ST18: variants seen among roughly 807,000 people sequenced by gnomAD.
The protein encoded by ST18 is suppression of tumorigenicity 18 protein.
ST18 carries 50 observed loss-of-function variants against 110.0 expected under a neutral mutation model. That is an observed-to-expected ratio of 0.45 (90% CI 0.36 to 0.58). The LOEUF (loss-of-function observed/expected upper bound fraction) is 0.58, where lower values mean the gene tolerates loss of function less well. Ranked by LOEUF, ST18 falls within the 20% of genes least tolerant of loss-of-function variation. The probability of loss-of-function intolerance (pLI) is 0.00; values close to 1 mark genes in which losing one functional copy is unlikely to be tolerated. For synonymous variants in ST18, 461 were observed against 452.4 expected (o/e 1.02, Z -0.24); for missense variants, 1,306 against 1,280.1 (o/e 1.02, Z -0.31).
At chr8:52,226,514 C>T (rs1377158511) in intron 3 of ST18, among the ~76,000 whole-genome samples, 1 of 152,114 alleles carries the variant, frequency 6.6e-6, no homozygotes, top group Non-Finnish European at 1.5e-5. Flanking sequence ...ATTAAGTTTC[C>T]TCTTTTAAAA....
intron 2 of ST18, among the ~76,000 whole-genome samples, chr8:52,360,212 AC>A (rs1457590698): frequency 6.6e-6 from 1 of 152,124 alleles, no homozygotes; most frequent in African/African-American, 2.4e-5. Flanking sequence ...ACTCATACCT[AC>A]ATAGATCAGG....
At chr8:52,285,800 G>A (rs2095462571) in intron 2 of ST18, among the ~76,000 whole-genome samples, 1 of 152,208 alleles carries the variant, frequency 6.6e-6, no homozygotes, top group Non-Finnish European at 1.5e-5. Flanking sequence ...CCCAGGAGAA[G>A]CATGTCTCCT....
chr8:52,296,300 T>C (rs928678360), intron 2 of ST18: 14 of 152,234 alleles, frequency 9.2e-5, no homozygotes, highest in African/African-American at 3.4e-4. Flanking sequence ...GTCTGGCTGA[T>C]TTCCACAAAT....
intron 2 of ST18, among the ~76,000 whole-genome samples, chr8:52,253,206 C>T (rs1364463407): frequency 6.6e-6 from 1 of 151,902 alleles, no homozygotes; most frequent in Non-Finnish European, 1.5e-5. Flanking sequence ...GAAAAACACT[C>T]CAGTTATTTC....
At chr8:52,374,284 G>A (rs1396965382) in intron 2 of ST18, among the ~76,000 whole-genome samples, 1 of 152,078 alleles carries the variant, frequency 6.6e-6, no homozygotes, top group Non-Finnish European at 1.5e-5. Flanking sequence ...AGACATAAAG[G>A]AGGCACATGA....
intron 16 of ST18, among the ~76,000 whole-genome samples, chr8:52,146,506 C>T (rs1357423127): frequency 1.3e-5 from 2 of 151,502 alleles, no homozygotes; most frequent in African/African-American, 4.9e-5. Context: ...AATTCCAGGC[C>T]TATTACTTAA....
At chr8:52,186,900 G>A (rs2072514801) in intron 8 of ST18, among the ~76,000 whole-genome samples, 2 of 152,268 alleles carry the variant, frequency 1.3e-5, no homozygotes, top group Middle Eastern at 3.4e-3. Flanking sequence ...AGGTATGAAG[G>A]AAATGGCTGG....
intron 2 of ST18, among the ~76,000 whole-genome samples, chr8:52,267,508 A>C (rs972525692): frequency 2.1e-5 from 3 of 143,390 alleles, no homozygotes; most frequent in African/African-American, 7.6e-5. Flanking sequence ...AAAAAAACCC[A>C]AAACCCTCTA....
At chr8:52,256,270 G>T (rs1383909005) in intron 2 of ST18, among the ~76,000 whole-genome samples, 1 of 152,226 alleles carries the variant, frequency 6.6e-6, no homozygotes, top group African/African-American at 2.4e-5. Flanking sequence ...GCATTGTGAA[G>T]AATATAATTG....
At chr8:52,243,815 A>T (rs2093633144) in intron 2 of ST18, among the ~76,000 whole-genome samples, 1 of 152,104 alleles carries the variant, frequency 6.6e-6, no homozygotes. Flanking sequence ...CCAAACCCTG[A>T]CATATTTCTT....
At chr8:52,283,891 A>G (rs1175881664) in intron 2 of ST18, among the ~76,000 whole-genome samples, 1 of 152,216 alleles carries the variant, frequency 6.6e-6, no homozygotes, top group Non-Finnish European at 1.5e-5. Flanking sequence ...TAAGAAGACA[A>G]GAAAATATAT....
chr8:52,230,436 G>T (rs1326286937), intron 2 of ST18, among the ~76,000 whole-genome samples: 1 of 151,978 alleles, frequency 6.6e-6, no homozygotes, highest in Non-Finnish European at 1.5e-5. Context: ...AGAATCAGTG[G>T]TTTAACACTA....
At chr8:52,133,929 C>T (rs1250776424) in intron 19 of ST18, among the ~76,000 whole-genome samples, 2 of 152,042 alleles carry the variant, frequency 1.3e-5, no homozygotes, top group African/African-American at 2.4e-5. Flanking sequence ...CAGGGTTTCA[C>T]CATGTTGGCC....
intron 2 of ST18, among the ~76,000 whole-genome samples, chr8:52,360,517 A>G (rs1246466994): frequency 3.3e-5 from 5 of 152,098 alleles, no homozygotes; most frequent in Non-Finnish European, 1.5e-5. Flanking sequence ...AAAAAAAATT[A>G]TTATACCTAA....
intron 2 of ST18, among the ~76,000 whole-genome samples, chr8:52,399,517 T>C (rs1231819605): frequency 6.6e-6 from 1 of 151,958 alleles, no homozygotes; most frequent in Non-Finnish European, 1.5e-5. Context: ...TTGAGGCATA[T>C]TGTTAGGCTA....
At chr8:52,251,495 T>C (rs538696524) in intron 2 of ST18, among the ~76,000 whole-genome samples, 52 of 152,224 alleles carry the variant, frequency 3.4e-4, no homozygotes, top group African/African-American at 1.2e-3. Context: ...AGATTTACTT[T>C]AAATTTCCCT....
intron 2 of ST18, among the ~76,000 whole-genome samples, chr8:52,297,874 G>A (rs542361363): frequency 1.9e-4 from 29 of 152,340 alleles, no homozygotes; most frequent in African/African-American, 6.3e-4. Flanking sequence ...ATGAGTAAAT[G>A]AGAGCTGTTC....
chr8:52,394,285 G>A (rs1840343159), intron 2 of ST18, among the ~76,000 whole-genome samples: 1 of 152,054 alleles, frequency 6.6e-6, no homozygotes, highest in Non-Finnish European at 1.5e-5. Flanking sequence ...TTTTGGTCTT[G>A]CTATAAATTG....
At chr8:52,408,587 T>G (rs1353254330) in intron 2 of ST18, among the ~76,000 whole-genome samples, 2 of 152,246 alleles carry the variant, frequency 1.3e-5, no homozygotes, top group Non-Finnish European at 2.9e-5. Context: ...AAGTGGTTAT[T>G]ATGCTTTGCT....
Sources: allele counts gnomAD v4.1 joint callset (sites outside exome capture counted in the v4.1 genomes callset), GRCh38; gene constraint gnomAD v4.1.1; transcripts MANE v1.5; gene names NCBI Gene and HGNC (gene_info 2026-07-23, HGNC 2026-07-21).